NRG1: variants seen among roughly 807,000 people sequenced by gnomAD.
NRG1 encodes pro-neuregulin-1, membrane-bound isoform.
A neutral mutation model predicts 63.8 loss-of-function variants in NRG1; 18 were observed. That is an observed-to-expected ratio of 0.28 (90% CI 0.19 to 0.42). NRG1 has a LOEUF of 0.42. Ranked by LOEUF, NRG1 falls within the 10% of genes least tolerant of loss-of-function variation. NRG1 has a pLI of 1.00. For synonymous variants in NRG1, 302 were observed against 301.3 expected (o/e 1.00, Z -0.02); for missense variants, 762 against 814.7 (o/e 0.94, Z 0.79).
chr8:31,871,517 G>A (rs903636962), intron 1 of NRG1, among the ~76,000 whole-genome samples: 4 of 151,998 alleles, frequency 2.6e-5, no homozygotes, highest in African/African-American at 9.7e-5. Flanking sequence ...GGTTCTTACT[G>A]CCTGAGAGGG....
chr8:31,947,306 C>CAAAAAAAAAAAAAAAAAA lies in NRG1; in HGVS notation c.37+307884_37+307901dup, dbSNP rs61713691. On this transcript the variant is annotated intron_variant, in intron 1 of 10. Coordinates refer to the NRG1 transcript ENST00000519301. ...TGGGCGACAGAGTGAGACTCCGTCT[C>CAAAAAAAAAAAAAAAAAA]AAAAAAAAAAAAAAAAAAAAAAAAA... Among the ~76,000 whole-genome samples the CAAAAAAAAAAAAAAAAAA allele has an allele frequency of 6.0e-5, 8 of 132,660 alleles. 1 individual carries two copies. The highest frequency in any genetic ancestry group is 2.6e-4 in the African/African-American group (8 of 31,082). 87.0% of individuals were successfully genotyped at this position (132,660 alleles called of 152,430 possible).
intron 1 of NRG1, among the ~76,000 whole-genome samples, chr8:32,502,593 C>T (rs1313318338): frequency 2.0e-5 from 3 of 151,086 alleles, no homozygotes; most frequent in Non-Finnish European, 4.4e-5. Context: ...TATCAACTCA[C>T]ATTTTTGTCC....
chr8:31,798,517 C>T (rs1024831808), intron 1 of NRG1, among the ~76,000 whole-genome samples: 1 of 152,120 alleles, frequency 6.6e-6, no homozygotes, highest in Non-Finnish European at 1.5e-5. Context: ...GTTAAATGAA[C>T]AGAGAATCTT....
intron 3 of NRG1, among the ~76,000 whole-genome samples, chr8:32,609,103 T>A (rs1464653159): frequency 6.6e-6 from 1 of 152,140 alleles, no homozygotes; most frequent in African/African-American, 2.4e-5. Context: ...GGGTGGAGCA[T>A]GCAGCTCACC....
At chr8:31,658,838 A>G (rs11783236) in intron 1 of NRG1, among the ~76,000 whole-genome samples, 70,357 of 152,050 alleles carry the variant, frequency 0.46, 16,533 homozygotes, top group Non-Finnish European at 0.5. Flanking sequence ...CAGTGGAGCT[A>G]GAGATCCAGA....
intron 1 of NRG1, among the ~76,000 whole-genome samples, chr8:32,381,274 G>T (rs1810308543): frequency 6.6e-6 from 1 of 152,114 alleles, no homozygotes; most frequent in South Asian, 2.1e-4. Flanking sequence ...GCTTTGTCTT[G>T]TCATTCCATG....
chr8:31,641,008 A>G (rs6992560), intron 1 of NRG1, among the ~76,000 whole-genome samples: 35,287 of 152,174 alleles, frequency 0.23, 4,504 homozygotes, highest in African/African-American at 0.28. Flanking sequence ...CTCACCAAGT[A>G]GATCGGAAAT....
chr8:32,411,686 T>C lies in NRG1; in HGVS notation c.38-184142T>C, dbSNP rs551265014. Reference sequence around the variant, plus strand: ...AATGGGGTTGTCTGGATAAATCCATTGTAAGTTGATCCACACATAACCCTA... The same window carrying C: ...AATGGGGTTGTCTGGATAAATCCATCGTAAGTTGATCCACACATAACCCTA... On this transcript the variant is annotated intron_variant, in intron 1 of 10. Coordinates refer to the NRG1 transcript ENST00000519301. Among the ~76,000 whole-genome samples the C allele has an allele frequency of 2.7e-4, 41 of 152,238 alleles. No homozygotes were observed. The South Asian group carries it at 8.3e-3, about 31-fold the overall frequency.
intron 1 of NRG1, among the ~76,000 whole-genome samples, chr8:31,768,021 T>C (rs1818249138): frequency 6.6e-6 from 1 of 152,174 alleles, no homozygotes; most frequent in South Asian, 2.1e-4. Flanking sequence ...CACATTTATC[T>C]TCTCTATCAT....
At chr8:31,738,697 A>G (rs1814945860) in intron 1 of NRG1, among the ~76,000 whole-genome samples, 1 of 151,988 alleles carries the variant, frequency 6.6e-6, no homozygotes, top group South Asian at 2.1e-4. Context: ...GTTCTGGCAG[A>G]TCCTTCCTTG....
intron 1 of NRG1, among the ~76,000 whole-genome samples, chr8:31,857,921 C>T (rs965751520): frequency 1.3e-4 from 20 of 152,070 alleles, no homozygotes; most frequent in African/African-American, 4.8e-4. Flanking sequence ...GAGATGAGAG[C>T]CTTGAAGATG....
chr8:31,785,259 G>A (rs1170644062), intron 1 of NRG1, among the ~76,000 whole-genome samples: 2 of 152,122 alleles, frequency 1.3e-5, no homozygotes, highest in African/African-American at 4.8e-5. Flanking sequence ...TTTGAGTATG[G>A]GAGTTGTCCT....
At chr8:31,927,752 T>A (rs372170762) in intron 1 of NRG1, among the ~76,000 whole-genome samples, 24 of 147,764 alleles carry the variant, frequency 1.6e-4, no homozygotes, top group East Asian at 1.4e-3. Context: ...CCGGCCTACT[T>A]TTTTTTTTAA....
At chr8:32,288,546 C>T (rs2129473842) in intron 1 of NRG1, among the ~76,000 whole-genome samples, 1 of 152,270 alleles carries the variant, frequency 6.6e-6, no homozygotes, top group Admixed American at 6.5e-5. Flanking sequence ...ATTTTTATGG[C>T]ATGCTCGAGT....
intron 5 of NRG1, 24 bp from the exon 6 acceptor site, chr8:32,727,925 C>T (rs2129014780): frequency 6.2e-7 from 1 of 1,612,362 alleles, no homozygotes; most frequent in Non-Finnish European, 8.5e-7. Flanking sequence ...CCATGTTAAC[C>T]TTTCTCCTTT....
At chr8:31,829,249 T>A (rs910929848) in intron 1 of NRG1, among the ~76,000 whole-genome samples, 2 of 152,244 alleles carry the variant, frequency 1.3e-5, no homozygotes, top group African/African-American at 4.8e-5. Context: ...TAGTGTGTTG[T>A]GTACTTGTTC....
chr8:32,002,125 G>C (rs1231694794), intron 1 of NRG1, among the ~76,000 whole-genome samples: 4 of 152,028 alleles, frequency 2.6e-5, no homozygotes, highest in Non-Finnish European at 2.9e-5. Flanking sequence ...CCAGGTTCAA[G>C]TGATTCTCCT....
intron 1 of NRG1, among the ~76,000 whole-genome samples, chr8:31,960,865 T>C (rs959777020): frequency 6.6e-6 from 1 of 152,238 alleles, no homozygotes; most frequent in East Asian, 1.9e-4. Flanking sequence ...TTAATAACCA[T>C]AACAAAAGGG....
At chr8:31,951,610 G>A (rs1289155016) in intron 1 of NRG1, among the ~76,000 whole-genome samples, 1 of 152,164 alleles carries the variant, frequency 6.6e-6, no homozygotes, top group Non-Finnish European at 1.5e-5. Context: ...TAAATTTGCT[G>A]AGGAAATGCA....
Sources: allele counts gnomAD v4.1 joint callset (sites outside exome capture counted in the v4.1 genomes callset), GRCh38; gene constraint gnomAD v4.1.1; transcripts MANE v1.5; gene names NCBI Gene and HGNC (gene_info 2026-07-23, HGNC 2026-07-21).